MAP4K5: variants seen among roughly 807,000 people sequenced by gnomAD.
The protein encoded by MAP4K5 is mitogen-activated protein kinase kinase kinase kinase 5, also known as MAPK/ERK kinase kinase kinase 5.
In MAP4K5, 82 loss-of-function variants were observed where a neutral mutation model predicts 135.6. That is an observed-to-expected ratio of 0.60 (90% confidence interval 0.51 to 0.73). MAP4K5 has a LOEUF of 0.73. MAP4K5 is among the 30% of genes least tolerant of loss of function. The pLI, the probability that MAP4K5 is intolerant of heterozygous loss-of-function variation, is 0.00. For synonymous variants in MAP4K5, 347 were observed against 335.0 expected, an observed-to-expected ratio of 1.04 and a Z score of -0.39; for missense variants, 907 against 1,010.9, an observed-to-expected ratio of 0.90 and a Z score of 1.39.
rs765383073 is a variant in MAP4K5 at position 50,420,060 on chromosome 14, T to C, written c.2500A>G (p.Ser834Gly). The change falls in exon 33 of 33, where the codon AGC (serine) becomes GGC (glycine). Residue 834 changes from serine to glycine, a missense_variant. By Grantham distance (56) the Ser-to-Gly change is moderately conservative. Coordinates refer to ENST00000682126, the MANE Select transcript of MAP4K5 (RefSeq NM_006575.6). ...SRPTENPTAH[S>G]NLYILAGHEN... The stretch of plus-strand genomic sequence containing the variant: ...TGTCCAGCCAAGATGTAGAGATTGC[T>C]GTGTGCAGTAGGATTTTCTGTTGGC... 3.7e-6 allele frequency: 6 copies of C among 1,611,310 alleles called. No individual in the cohort carries two copies. The South Asian group carries it at 6.7e-5, about 18-fold the overall frequency.
At chr14:50,502,098 A>G (rs995917882) in intron 3 of MAP4K5, among the ~76,000 whole-genome samples, 2 of 152,214 alleles carry the variant, frequency 1.3e-5, no homozygotes, top group African/African-American at 4.8e-5. Flanking sequence ...CACTTCTGTC[A>G]GAACTCATTT....
Position 50,445,243 on chromosome 14 carries a change from CAG to C in MAP4K5, c.1186-51_1186-50del, listed in dbSNP as rs769449694. 8 of 1,570,132 alleles carry C rather than the reference CAG, an allele frequency of 5.1e-6. No homozygotes were observed. The Admixed American group carries it at 1.4e-4, about 28-fold the overall frequency. On this transcript the variant is annotated intron_variant, in intron 17 of 32. Transcript: ENST00000682126. Reference sequence around the variant, plus strand: ...TACTTTAACAGTTATCATTAGGCATCAGAGTCTTTAGGGAAAGGGAAATGCAC... The same window carrying C: ...TACTTTAACAGTTATCATTAGGCATCAGTCTTTAGGGAAAGGGAAATGCAC...
chr14:50,525,029 G>C (rs1262490847), intron 2 of MAP4K5, among the ~76,000 whole-genome samples: 1 of 151,858 alleles, frequency 6.6e-6, no homozygotes, highest in Non-Finnish European at 1.5e-5. Flanking sequence ...ATTTTTCTCT[G>C]CCACCCCTCT....
chr14:50,448,249 A>C (rs2139739071), intron 15 of MAP4K5, among the ~76,000 whole-genome samples: 1 of 152,300 alleles, frequency 6.6e-6, no homozygotes, highest in African/African-American at 2.4e-5. Flanking sequence ...TCCTGACCTC[A>C]GGTGATCTGT....
chr14:50,499,429 G>A (rs1204091846), intron 3 of MAP4K5, among the ~76,000 whole-genome samples: 3 of 152,094 alleles, frequency 2.0e-5, no homozygotes, highest in African/African-American at 4.8e-5. Flanking sequence ...AGGCCTAGAC[G>A]GGCAGATCAC....
At chr14:50,430,454 A>G (rs34846194) in intron 28 of MAP4K5, among the ~76,000 whole-genome samples, 5,585 of 124,934 alleles carry the variant, frequency 0.045, no homozygotes, top group African/African-American at 0.087. Flanking sequence ...TTCCTAACAC[A>G]GACGCATTCA....
intron 32 of MAP4K5, 47 bp downstream of exon 32, chr14:50,423,074 A>C: frequency 1.1e-6 from 1 of 885,060 alleles, no homozygotes; most frequent in Non-Finnish European, 1.8e-6. Context: ...TAAGAGTATG[A>C]TCTTTGAACT....
chr14:50,467,100 G>A (rs995897720), intron 10 of MAP4K5, among the ~76,000 whole-genome samples: 1 of 151,850 alleles, frequency 6.6e-6, no homozygotes, highest in African/African-American at 2.4e-5. Context: ...TTCCTTTTTT[G>A]GACAATGATT....
intron 2 of MAP4K5, among the ~76,000 whole-genome samples, chr14:50,538,243 T>C (rs1262522277): frequency 6.6e-6 from 1 of 152,214 alleles, no homozygotes. Context: ...ATGTAGGATG[T>C]GACTTGCTCC....
At chr14:50,494,133 C>T (rs2037544435) in intron 3 of MAP4K5, among the ~76,000 whole-genome samples, 1 of 151,734 alleles carries the variant, frequency 6.6e-6, no homozygotes, top group African/African-American at 2.4e-5. Flanking sequence ...ATCCCATGCT[C>T]ATGGATTGAA....
intron 14 of MAP4K5, 101 bp from the exon 15 acceptor site, chr14:50,448,933 A>C: frequency 1.5e-6 from 1 of 663,922 alleles, no homozygotes; most frequent in Non-Finnish European, 2.6e-6. Flanking sequence ...AGGGAGAAAG[A>C]AGAGGGGAAA....
chr14:50,517,427 C>T (rs531895762), intron 2 of MAP4K5, among the ~76,000 whole-genome samples: 1 of 151,340 alleles, frequency 6.6e-6, no homozygotes, highest in Non-Finnish European at 1.5e-5. Flanking sequence ...GCTGGGATTA[C>T]AGGAATGAGC....
upstream of MAP4K5, among the ~76,000 whole-genome samples, chr14:50,536,294 G>A (rs2038491287): frequency 3.9e-5 from 6 of 152,140 alleles, no homozygotes; most frequent in Admixed American, 3.3e-4. Context: ...AAATTAGCCA[G>A]GCATGGTGGT....
Position 50,485,588 on chromosome 14 carries a change from A to C in MAP4K5, c.312T>G (p.Asp104Glu). 1 of 1,546,324 alleles carries C rather than the reference A, an allele frequency of 6.5e-7. No homozygotes were observed. Among genetic ancestry groups the C allele is most frequent in the East Asian group, 2.4e-5 (1 of 41,592 alleles). Reference protein sequence around the residue: ...MEYCGGGSLQDIYHVTGPLSE... With the variant: ...MEYCGGGSLQEIYHVTGPLSE... ...TCAAATTAACAGTACCATGGTAAAT[A>C]TCTTGAAGTGATCCGCCACCACAGT... Residue 104 changes from aspartate (D) to glutamate (E), a missense_variant, in exon 5 of 33, where the codon GAT (aspartate) becomes GAG (glutamate). Around this residue, in one of 3 missense-constraint regions of MAP4K5, gnomAD observed 196 missense variants for 189.3 expected, o/e 1.04. Coordinates refer to ENST00000682126, the MANE Select transcript of MAP4K5 (RefSeq NM_006575.6).
At chr14:50,556,099 C>T (rs957422668) in intron 1 of MAP4K5, among the ~76,000 whole-genome samples, 2 of 152,070 alleles carry the variant, frequency 1.3e-5, no homozygotes, top group Admixed American at 1.3e-4. Context: ...TGGAGTAATA[C>T]CTTTTCTTCT....
chr14:50,498,735 T>A (rs2037645614), intron 3 of MAP4K5, among the ~76,000 whole-genome samples: 1 of 152,242 alleles, frequency 6.6e-6, no homozygotes, highest in African/African-American at 2.4e-5. Context: ...CAGCTGGAAT[T>A]TCATTTACTT....
chr14:50,467,582 C>T (rs2139833851), intron 10 of MAP4K5, among the ~76,000 whole-genome samples: 1 of 152,152 alleles, frequency 6.6e-6, no homozygotes, highest in Admixed American at 6.5e-5. Flanking sequence ...TAAGAATTCA[C>T]CAACTACTAC....
upstream of MAP4K5, among the ~76,000 whole-genome samples, chr14:50,533,801 G>A (rs1331657208): frequency 6.6e-6 from 1 of 151,972 alleles, no homozygotes; most frequent in East Asian, 1.9e-4. Context: ...AGGAGTAATT[G>A]ACAATACTCC....
intron 2 of MAP4K5, among the ~76,000 whole-genome samples, chr14:50,526,602 G>A (rs2038271102): frequency 6.6e-6 from 1 of 152,148 alleles, no homozygotes; most frequent in Non-Finnish European, 1.5e-5. Flanking sequence ...GGCCACGTCT[G>A]TTTTCTTGAC....
Sources: gnomAD v4.1 joint callset for allele counts (sites outside exome capture counted in the v4.1 genomes callset) on GRCh38, gnomAD v4.1.1 for gene constraint, gnomAD v4.1.1 regional missense constraint, MANE v1.5 for transcripts, NCBI Gene and HGNC (gene_info 2026-07-23, HGNC 2026-07-21) for gene names.